Variants in ZBTB17 observed in about 807,000 individuals in gnomAD.
ZBTB17 encodes the protein zinc finger and BTB domain containing 17.
Under a neutral mutation model 85.1 loss-of-function variants are expected in ZBTB17, and 24 were observed. That is an observed-to-expected ratio of 0.28 (90% CI 0.20 to 0.40). The LOEUF (loss-of-function observed/expected upper bound fraction) is 0.40, where lower values mean the gene tolerates loss of function less well. Among genes scored for constraint, ZBTB17 ranks in the 10% least tolerant of loss-of-function variants. The pLI is 1.00. For synonymous variants in ZBTB17, 464 were observed against 460.2 expected (o/e 1.01, Z -0.11); for missense variants, 743 against 1,105.1 (o/e 0.67, Z 4.65).
intron 12 of ZBTB17, 89 bp from the exon 13 acceptor site, chr1:15,943,283 C>A: frequency 1.2e-6 from 2 of 1,603,448 alleles, no homozygotes. Context: ...CCCCTAGGAC[C>A]AGAGCCTGGG....
chr1:15,945,230 C>T (rs1239708972), intron 6 of ZBTB17, 28 bp from the exon 7 acceptor site: 1 of 1,547,812 alleles, frequency 6.5e-7, no homozygotes, highest in Non-Finnish European at 8.7e-7. Context: ...AGCATGGAGG[C>T]GGCAGCCCTC....
chr1:15,947,478 C>T (rs2071656264), intron 3 of ZBTB17, among the ~76,000 whole-genome samples: 1 of 151,858 alleles, frequency 6.6e-6, no homozygotes, highest in Admixed American at 6.6e-5. Context: ...GTGAATGCCG[C>T]CCATGCATGG....
chr1:15,953,608 C>T lies in ZBTB17; in HGVS notation c.-2-5111G>A, dbSNP rs1021126312. ...GAGTAAGCCAGGTTTCTGTTTGGGC[C>T]GTGAAATCCACTCTGGTGCCAAGTT... On this transcript the variant is annotated intron_variant, in intron 2 of 15. Transcript: ENST00000375743. This position sits in a 1 kb window ranked among gnomAD's most constrained non-coding sequence, Gnocchi z 5.1. Among the ~76,000 whole-genome samples, 6 of 152,170 alleles carry T rather than the reference C, an allele frequency of 3.9e-5. No homozygotes were observed. The highest frequency in any genetic ancestry group is 9.7e-5 in the African/African-American group (4 of 41,448).
Position 15,964,314 on chromosome 1 carries a change from C to T in ZBTB17, c.-3+8725G>A, listed in dbSNP as rs1009597488. On this transcript the variant is annotated intron_variant, in intron 2 of 15. Coordinates refer to ENST00000375743, the MANE Select transcript of ZBTB17 (RefSeq NM_003443.3). This position sits in a 1 kb window ranked among gnomAD's most constrained non-coding sequence, Gnocchi z 4.3. Reference sequence around the variant, plus strand: ...TATACCACATTTATGGATCAGATGACTCAACATCATAAAAATGTCAGCTCT... The same window carrying T: ...TATACCACATTTATGGATCAGATGATTCAACATCATAAAAATGTCAGCTCT... 6.6e-6 allele frequency among the ~76,000 whole-genome samples: 1 copy of T among 152,134 alleles called. No homozygotes were observed. Among genetic ancestry groups the T allele is most frequent in the Admixed American group, 6.5e-5 (1 of 15,270 alleles).
intron 2 of ZBTB17, chr1:15,969,906 C>T (rs2072583114): frequency 1.6e-6 from 1 of 636,612 alleles, no homozygotes; most frequent in Admixed American, 2.1e-5. Context: ...AGCTAGGACT[C>T]TGGAGTCAGG....
chr1:15,970,286 A>G (rs2072598225), intron 2 of ZBTB17: 2 of 321,320 alleles, frequency 6.2e-6, no homozygotes, highest in Non-Finnish European at 1.1e-5. Flanking sequence ...CCTCATGGGA[A>G]GATGCTCACA....
intron 9 of ZBTB17, 178 bp from the exon 10 acceptor site, chr1:15,944,073 C>T (rs923342099): frequency 1.0e-6 from 1 of 968,520 alleles, no homozygotes; most frequent in Non-Finnish European, 1.6e-6. Flanking sequence ...AGCCGCCCCA[C>T]CCCATTTTTT....
At chr1:15,944,130 C>T in intron 9 of ZBTB17, 170 bp downstream of exon 9, 1 of 1,147,740 alleles carries the variant, frequency 8.7e-7, no homozygotes, top group Middle Eastern at 1.9e-4. Flanking sequence ...GCAGAGCAAC[C>T]GGGAGCTCCC....
At chr1:15,967,662 T>C (rs1388866880) in intron 2 of ZBTB17, among the ~76,000 whole-genome samples, 1 of 152,202 alleles carries the variant, frequency 6.6e-6, no homozygotes, top group Non-Finnish European at 1.5e-5. Flanking sequence ...ATTTTCTTTT[T>C]TGACCCTCAA....
rs1418468794 is a variant in ZBTB17 at position 15,951,367 on chromosome 1, A to ACCC, written c.-2-2871_-2-2870insGGG. ...GCCCTGTACCCACAGAGAGATCAGC[A>ACCC]GCAGCTGAAATGCGCTTACCAGTAC... On this transcript the variant is annotated intron_variant, in intron 2 of 15. Transcript: ENST00000375743. The surrounding 1 kb of genome is among the most constrained non-coding windows in gnomAD (Gnocchi z 4.1). Among the ~76,000 whole-genome samples, 1 of 152,046 alleles carries ACCC rather than the reference A, an allele frequency of 6.6e-6. No homozygotes were observed. The highest frequency in any genetic ancestry group is 6.5e-5 in the Admixed American group (1 of 15,270).
intron 2 of ZBTB17, among the ~76,000 whole-genome samples, chr1:15,959,134 T>C (rs1033348615): frequency 1.3e-5 from 2 of 152,198 alleles, no homozygotes; most frequent in African/African-American, 4.8e-5. Context: ...TCCCACTAAA[T>C]ACTATTAAAT....
chr1:15,962,137 G>A (rs2072281655), intron 2 of ZBTB17, among the ~76,000 whole-genome samples: 1 of 152,150 alleles, frequency 6.6e-6, no homozygotes, highest in Non-Finnish European at 1.5e-5. Context: ...AGCCTGGGAG[G>A]TTGAGGCTGC....
At chr1:15,944,648 A>G (rs757758593) in intron 8 of ZBTB17, 48 bp from the exon 9 acceptor site, 1 of 1,601,546 alleles carries the variant, frequency 6.2e-7, no homozygotes, top group Non-Finnish European at 8.5e-7. Flanking sequence ...GGGGCGTGAA[A>G]GGCCGGGCCT....
At chr1:15,955,338 C>T (rs948029248) in intron 2 of ZBTB17, among the ~76,000 whole-genome samples, 3 of 152,198 alleles carry the variant, frequency 2.0e-5, no homozygotes, top group African/African-American at 7.2e-5. Flanking sequence ...CCTGCTGGCA[C>T]TTTCCTCCTC....
chr1:15,945,690 C>T (rs1228868372), intron 6 of ZBTB17, 25 bp downstream of exon 6: 2 of 1,605,326 alleles, frequency 1.2e-6, no homozygotes, highest in Non-Finnish European at 1.7e-6. Context: ...CCAGGTAGGG[C>T]CTGGTCCTGG....
intron 2 of ZBTB17, among the ~76,000 whole-genome samples, chr1:15,972,318 C>G (rs1377924123): frequency 6.6e-6 from 1 of 152,220 alleles, no homozygotes; most frequent in Non-Finnish European, 1.5e-5. Flanking sequence ...TACCCAAAGC[C>G]AGAGCAGCCT....
chr1:15,954,239 C>T (rs2071966087), intron 2 of ZBTB17, among the ~76,000 whole-genome samples: 1 of 152,188 alleles, frequency 6.6e-6, no homozygotes, highest in Admixed American at 6.5e-5. Flanking sequence ...GAGAGCACAG[C>T]TCCATGTCAG....
In ZBTB17 at chr1:15,945,033, C is replaced by G. The variant is rs1219106063; in HGVS notation, c.831G>C (p.Gly277=). 1 of 1,607,716 alleles carries G rather than the reference C, an allele frequency of 6.2e-7. No homozygotes were observed. Among genetic ancestry groups the G allele is most frequent in the East Asian group, 2.2e-5 (1 of 44,730 alleles). ...ENEESAGTDS[G]QELGSEARGL... Reference sequence around the variant, plus strand: ...CCCGGGCCTCGGAGCCGAGCTCCTGCCCCGAGTCTGTGCCCGCTGACTCCT... The same window carrying G: ...CCCGGGCCTCGGAGCCGAGCTCCTGGCCCGAGTCTGTGCCCGCTGACTCCT... Residue 277 remains glycine (G), a synonymous_variant, in exon 7 of 16, where the codon GGG becomes GGC. Transcript: ENST00000375743.
rs1406455816 is a variant in ZBTB17 at position 15,975,979 on chromosome 1, T to A, written c.-90+4A>T. 1.4e-6 allele frequency: 1 copy of A among 697,782 alleles called. No homozygotes were observed. Among genetic ancestry groups the A allele is most frequent in the East Asian group, 2.7e-5 (1 of 36,672 alleles). 43.2% of individuals were successfully genotyped at this position (697,782 alleles called of 1,614,324 possible). A position where few individuals can be genotyped will look rare whatever the true frequency, so the allele number is the denominator to read the frequency against. ...CCCGGCCCCGGGCGATTGTTGACAC[T>A]CACCTGCCATGTCCCGGACCCCACC... On this transcript the variant is annotated splice_donor_region_variant and intron_variant, in intron 1 of 15. Transcript: ENST00000375743.
Sources: allele counts gnomAD v4.1 joint callset (sites outside exome capture counted in the v4.1 genomes callset), GRCh38; gene constraint gnomAD v4.1.1; non-coding constraint Gnocchi (gnomAD v3.1); transcripts MANE v1.5; gene names NCBI Gene and HGNC (gene_info 2026-07-23, HGNC 2026-07-21).